The following TNR variants were observed in gnomAD, a reference collection of about 807,000 sequenced individuals.
TNR encodes the protein tenascin-R.
A neutral mutation model predicts 150.4 loss-of-function variants in TNR; 45 were observed. The ratio of observed to expected loss-of-function variants is 0.30; its 90% confidence interval spans 0.24 to 0.38. The LOEUF (loss-of-function observed/expected upper bound fraction) is 0.38. Among genes scored for constraint, TNR ranks in the 10% least tolerant of loss-of-function variants. The probability of loss-of-function intolerance (pLI) is 1.00; values close to 1 mark genes in which losing one functional copy is unlikely to be tolerated. For missense variants in TNR, 1,544 were observed against 1,759.1 expected, an observed-to-expected ratio of 0.88 and a Z score of 2.19; for synonymous variants, 687 against 678.4, an observed-to-expected ratio of 1.01 and a Z score of -0.20.
intron 15 of TNR, 50 bp from the exon 16 acceptor site, chr1:175,356,512 G>C: frequency 1.9e-6 from 3 of 1,600,978 alleles, no homozygotes; most frequent in Non-Finnish European, 2.6e-6. Context: ...ACTCAGTTTA[G>C]GAAAGATCTA....
Position 175,375,478 on chromosome 1 carries a change from G to GC in TNR, c.1963+4073_1963+4074insG, listed in dbSNP as rs1026109366. Among the ~76,000 whole-genome samples the GC allele has an allele frequency of 3.2e-3, 489 of 151,690 alleles. 2 individuals are homozygous for GC. The highest frequency in any genetic ancestry group is 8.3e-3 in the Admixed American group (126 of 15,238). The stretch of plus-strand genomic sequence containing the variant: ...TGGACATTGCCTACAGAGAATAATG[G>GC]GGGGGGAGTGTTTGAATTTTGGGCA... On this transcript the variant is annotated intron_variant, in intron 9 of 22. Coordinates refer to ENST00000367674, the MANE Select transcript of TNR (RefSeq NM_003285.3).
chr1:175,648,711 C>T (rs1283114407), intron 1 of TNR, among the ~76,000 whole-genome samples: 11 of 152,112 alleles, frequency 7.2e-5, no homozygotes, highest in African/African-American at 2.4e-4. Flanking sequence ...AAATGTCTCC[C>T]GCTTCCTTCA....
At chr1:175,591,919 G>A (rs1662814969) in intron 1 of TNR, among the ~76,000 whole-genome samples, 1 of 152,206 alleles carries the variant, frequency 6.6e-6, no homozygotes, top group Non-Finnish European at 1.5e-5. Flanking sequence ...TAGCATTTGA[G>A]GAAGCATGTG....
intron 1 of TNR, among the ~76,000 whole-genome samples, chr1:175,596,998 TAGA>T (rs1203462552): frequency 6.6e-6 from 1 of 152,162 alleles, no homozygotes; most frequent in Non-Finnish European, 1.5e-5. Flanking sequence ...CTCTCAGAAA[TAGA>T]AGATTATAAT....
rs137992929 is a variant in TNR at position 175,339,461 on chromosome 1, C to A, written c.3383-1782G>T. Among the ~76,000 whole-genome samples the A allele has an allele frequency of 2.1e-3, 324 of 152,308 alleles. 1 individual carries two copies. The highest frequency in any genetic ancestry group is 7.4e-3 in the African/African-American group (307 of 41,568). ...TTCATAGTTCCTGATCCCACCTACCCCTAGAGGCTACAGTTACATTTCAGG... is the reference window on the plus strand; with the variant it reads ...TTCATAGTTCCTGATCCCACCTACCACTAGAGGCTACAGTTACATTTCAGG... On this transcript the variant is annotated intron_variant, in intron 18 of 22. Transcript: ENST00000367674.
intron 2 of TNR, among the ~76,000 whole-genome samples, chr1:175,429,305 T>G (rs949670799): frequency 6.6e-6 from 1 of 152,176 alleles, no homozygotes; most frequent in Non-Finnish European, 1.5e-5. Context: ...TTAGAATTGA[T>G]ATATAGATAA....
intron 2 of TNR, among the ~76,000 whole-genome samples, chr1:175,508,126 G>T (rs889361904): frequency 1.3e-5 from 2 of 152,118 alleles, no homozygotes; most frequent in Admixed American, 6.6e-5. Context: ...GGGGGCAAGG[G>T]AAGGGAGGGC....
intron 2 of TNR, among the ~76,000 whole-genome samples, chr1:175,448,675 GCCAACCAA>G (rs1407944078): frequency 1.3e-5 from 2 of 152,202 alleles, no homozygotes; most frequent in African/African-American, 4.8e-5. Flanking sequence ...ACTGGAGGAA[GCCAACCAA>G]CCACACACCC....
intron 1 of TNR, among the ~76,000 whole-genome samples, chr1:175,592,024 G>T (rs1662819458): frequency 6.6e-6 from 1 of 152,114 alleles, no homozygotes; most frequent in Admixed American, 6.5e-5. Context: ...AACTTCTATT[G>T]CTTTAAGCCA....
At chr1:175,401,203 T>G (rs1653689326) in intron 4 of TNR, among the ~76,000 whole-genome samples, 1 of 152,210 alleles carries the variant, frequency 6.6e-6, no homozygotes. Context: ...ATCAAGATTT[T>G]GTTTGCAAAT....
At chr1:175,606,109 C>A (rs1169180484) in intron 1 of TNR, among the ~76,000 whole-genome samples, 1 of 152,204 alleles carries the variant, frequency 6.6e-6, no homozygotes, top group Non-Finnish European at 1.5e-5. Flanking sequence ...TTATGACTTA[C>A]AGGACTGGAG....
chr1:175,663,275 G>T (rs558991589), intron 1 of TNR, among the ~76,000 whole-genome samples: 1 of 152,130 alleles, frequency 6.6e-6, no homozygotes, highest in Admixed American at 6.5e-5. Context: ...CAAGTGAGAC[G>T]CTGGTGCCAG....
intron 2 of TNR, among the ~76,000 whole-genome samples, chr1:175,426,817 T>C (rs1474368745): frequency 8.1e-6 from 1 of 123,700 alleles, no homozygotes; most frequent in Non-Finnish European, 1.6e-5. Context: ...ATATAAAATA[T>C]AAATATATAT....
intron 1 of TNR, among the ~76,000 whole-genome samples, chr1:175,600,497 A>G (rs1663192110): frequency 6.6e-6 from 1 of 152,250 alleles, no homozygotes; most frequent in Non-Finnish European, 1.5e-5. Context: ...ATGTCTATAC[A>G]TGAGATGCAC....
At chr1:175,624,941 T>G (rs574828683) in intron 1 of TNR, among the ~76,000 whole-genome samples, 74 of 152,306 alleles carry the variant, frequency 4.9e-4, no homozygotes, top group Non-Finnish European at 8.5e-4. Flanking sequence ...GAGCACCTCC[T>G]GCTTCAGATT....
chr1:175,331,609 A>G (rs1649939542), intron 20 of TNR, among the ~76,000 whole-genome samples: 1 of 152,110 alleles, frequency 6.6e-6, no homozygotes, highest in African/African-American at 2.4e-5. Flanking sequence ...ATGATTAGCC[A>G]TGCCCTGGGA....
In TNR at chr1:175,721,702, C is replaced by G. The variant is rs368544828; in HGVS notation, c.-165+21524G>C. Among the ~76,000 whole-genome samples the G allele has an allele frequency of 8.5e-5, 13 of 152,262 alleles. No individual in the cohort carries two copies. In the East Asian group the frequency reaches 1.7e-3, roughly 20 times the overall value. ...TCTGTCTTCAGTGTTGAGGAACAAG[C>G]CTTGTCTTTTCTCCCTAGCTCCCCA... is the stretch of plus-strand genomic sequence containing the variant. On this transcript the variant is annotated intron_variant, in intron 1 of 22. Transcript: ENST00000367674.
chr1:175,361,308 C>T (rs1157832391), intron 14 of TNR, among the ~76,000 whole-genome samples: 2 of 152,092 alleles, frequency 1.3e-5, no homozygotes, highest in Non-Finnish European at 2.9e-5. Context: ...TTATTGTCCT[C>T]AATGGGAAAA....
intron 1 of TNR, among the ~76,000 whole-genome samples, chr1:175,637,540 CA>C (rs1233978850): frequency 6.6e-6 from 1 of 151,648 alleles, no homozygotes; most frequent in East Asian, 1.9e-4. Context: ...CAGAAAGTAG[CA>C]AAAGAAAAAA....
Sources: allele counts gnomAD v4.1 joint callset (sites outside exome capture counted in the v4.1 genomes callset), GRCh38; gene constraint gnomAD v4.1.1; transcripts MANE v1.5; gene names NCBI Gene and HGNC (gene_info 2026-07-23, HGNC 2026-07-21).